The following MAL variants were observed in gnomAD, a reference collection of about 807,000 sequenced individuals.
MAL encodes the protein myelin and lymphocyte protein.
In MAL, 5 loss-of-function variants were observed where a neutral mutation model predicts 16.7. The observed-to-expected ratio is 0.30, with a 90% CI of 0.16 to 0.63. The LOEUF (loss-of-function observed/expected upper bound fraction) is 0.63. MAL is among the 30% of genes least tolerant of loss of function. The pLI is 0.82. For missense variants in MAL, 202 were observed against 195.8 expected (o/e 1.03, Z -0.19); for synonymous variants, 96 against 85.5 (o/e 1.12, Z -0.67).
At chr2:95,027,603 C>T (rs929710961) in intron 1 of MAL, among the ~76,000 whole-genome samples, 3 of 152,248 alleles carry the variant, frequency 2.0e-5, no homozygotes, top group Non-Finnish European at 2.9e-5. Context: ...TCTCAGTTCT[C>T]CTCTGCATGG....
chr2:95,037,526 A>AAGCGAGTGAGTGACTGAGTG (rs1674263055), intron 1 of MAL, among the ~76,000 whole-genome samples: 1 of 35,816 alleles, frequency 2.8e-5, no homozygotes, highest in African/African-American at 1.1e-4. Context: ...GTGAGTGAGC[A>AAGCGAGTGAGTGACTGAGTG]AGCGAGTGAG....
intron 1 of MAL, among the ~76,000 whole-genome samples, chr2:95,028,721 A>C (rs1674009061): frequency 6.6e-6 from 1 of 152,248 alleles, no homozygotes; most frequent in African/African-American, 2.4e-5. Flanking sequence ...ACCTGACCAT[A>C]GAAAGGAATG....
At chr2:95,041,356 T>C (rs1308731554) in intron 1 of MAL, among the ~76,000 whole-genome samples, 1 of 152,202 alleles carries the variant, frequency 6.6e-6, no homozygotes, top group Non-Finnish European at 1.5e-5. Flanking sequence ...CTGGAGACCA[T>C]AGGTTTTCTC....
intron 1 of MAL, among the ~76,000 whole-genome samples, chr2:95,042,153 G>A (rs1160516622): frequency 6.6e-6 from 1 of 152,142 alleles, no homozygotes; most frequent in Non-Finnish European, 1.5e-5. Flanking sequence ...GAAAGGAGAG[G>A]AAACACTAGG....
At chr2:95,053,344 A>G in intron 3 of MAL, 37 bp from the exon 4 acceptor site, 2 of 1,453,688 alleles carry the variant, frequency 1.4e-6, no homozygotes, top group Admixed American at 1.7e-5. Context: ...CGCCCTCCCT[A>G]CACAAACCCA....
At chr2:95,049,457 G>T in intron 2 of MAL, 124 bp from the exon 3 acceptor site, 1 of 1,260,964 alleles carries the variant, frequency 7.9e-7, no homozygotes, top group Non-Finnish European at 1.1e-6. Context: ...TGACAAGGTT[G>T]GGAGGGGTGG....
chr2:95,052,993 G>T, intron 3 of MAL: 1 of 184,928 alleles, frequency 5.4e-6, no homozygotes. Context: ...ACAGCTGGAG[G>T]GCGCTGGTCT....
intron 1 of MAL, among the ~76,000 whole-genome samples, chr2:95,033,001 T>C (rs1386704241): frequency 6.6e-6 from 1 of 152,082 alleles, no homozygotes; most frequent in African/African-American, 2.4e-5. Context: ...GAAGAGAAGG[T>C]GCAGGGTCGC....
Position 95,053,574 on chromosome 2 carries a change from C to T in MAL, c.*119C>T. The T allele has an allele frequency of 1.3e-6, 1 of 742,176 alleles. No homozygotes were observed. Among genetic ancestry groups the T allele is most frequent in the Non-Finnish European group, 2.2e-6 (1 of 446,218 alleles). 46.0% of individuals were successfully genotyped at this position (742,176 alleles called of 1,614,324 possible). A position where few individuals can be genotyped will look rare whatever the true frequency, so the allele number is the denominator to read the frequency against. On this transcript the variant is annotated 3_prime_UTR_variant, in exon 4 of 4. Transcript: ENST00000309988. ...TGGTGGAAAAAAGAAAACAACCACC[C>T]CCCCACTGCCCAAAAAAAAAAGCCC... is the stretch of plus-strand genomic sequence containing the variant.
At chr2:95,027,797 C>T (rs1369830435) in intron 1 of MAL, among the ~76,000 whole-genome samples, 1 of 152,050 alleles carries the variant, frequency 6.6e-6, no homozygotes, top group African/African-American at 2.4e-5. Flanking sequence ...CTGCAGGCTC[C>T]GCCTCCCGGG....
chr2:95,035,847 T>C (rs1037125107), intron 1 of MAL, among the ~76,000 whole-genome samples: 2 of 152,044 alleles, frequency 1.3e-5, no homozygotes, highest in Non-Finnish European at 2.9e-5. Context: ...TTTTTTGTAT[T>C]TTTAGTAGAG....
rs1463972768 is a variant in MAL, at chr2:95,047,960, T to C, written c.95T>C (p.Ile32Thr). 1 of 1,613,118 alleles carries C rather than the reference T, an allele frequency of 6.2e-7. No homozygotes were observed. Among genetic ancestry groups the C allele is most frequent in the Non-Finnish European group, 8.5e-7 (1 of 1,179,592 alleles). ...CTCACCCCTCCTCCTCCCCCGCAGATCTTCGGGGGCCTGGTGTGGATCCTG... is the reference window on the plus strand; with the variant it reads ...CTCACCCCTCCTCCTCCCCCGCAGACCTTCGGGGGCCTGGTGTGGATCCTG... Reference protein sequence around the residue: ...LPDLLFIFEFIFGGLVWILVA... With the variant: ...LPDLLFIFEFTFGGLVWILVA... The change falls in exon 2 of 4, where the codon ATC (isoleucine) becomes ACC (threonine). Residue 32 changes from isoleucine (I) to threonine (T), a missense_variant and splice_region_variant. By Grantham distance (89) the Ile-to-Thr change is moderately conservative (BLOSUM62 -1). Coordinates refer to ENST00000309988, the MANE Select transcript of MAL (RefSeq NM_002371.4).
At chr2:95,037,384 TTGACTGAGTGAGTGAG>T (rs1260945820) in intron 1 of MAL, among the ~76,000 whole-genome samples, 15 of 44,836 alleles carry the variant, frequency 3.3e-4, no homozygotes, top group African/African-American at 1.4e-3. Context: ...GACTGAGTGA[TTGACTGAGTGAGTGAG>T]TGACTGAGTG....
chr2:95,037,500 G>GTGAC (rs1406121763), intron 1 of MAL, among the ~76,000 whole-genome samples: 1 of 151,464 alleles, frequency 6.6e-6, no homozygotes, highest in Non-Finnish European at 1.5e-5. Context: ...GAGTGACTGA[G>GTGAC]TGACTGAGTG....
chr2:95,037,784 G>GTGAT, intron 1 of MAL, among the ~76,000 whole-genome samples: 1 of 151,840 alleles, frequency 6.6e-6, no homozygotes, highest in East Asian at 1.9e-4. Flanking sequence ...GAGTGACTGA[G>GTGAT]TGACTGTGTG....
chr2:95,037,044 AGTGAGTGACTGAGTGG>A (rs1292445707), intron 1 of MAL, among the ~76,000 whole-genome samples: 7 of 150,656 alleles, frequency 4.6e-5, no homozygotes, highest in African/African-American at 9.8e-5. Context: ...TGAGTGGGTG[AGTGAGTGACTGAGTGG>A]GTGAGTGACT....
At chr2:95,041,047 T>C (rs1391915563) in intron 1 of MAL, among the ~76,000 whole-genome samples, 1 of 152,128 alleles carries the variant, frequency 6.6e-6, no homozygotes, top group Non-Finnish European at 1.5e-5. Flanking sequence ...AGAATTTCCG[T>C]TTGTGGAGGC....
intron 1 of MAL, among the ~76,000 whole-genome samples, chr2:95,040,892 A>G (rs1482276217): frequency 6.6e-6 from 1 of 152,160 alleles, no homozygotes; most frequent in Non-Finnish European, 1.5e-5. Context: ...ACTGTTGTTC[A>G]CATATGCCTT....
intron 1 of MAL, among the ~76,000 whole-genome samples, chr2:95,027,389 G>GAAAC (rs1234747768): frequency 2.0e-5 from 3 of 152,158 alleles, no homozygotes; most frequent in African/African-American, 7.2e-5. Flanking sequence ...GCTTCCAGAA[G>GAAAC]AAACAACTCC....
Sources: gnomAD v4.1 joint callset for allele counts (sites outside exome capture counted in the v4.1 genomes callset) on GRCh38, gnomAD v4.1.1 for gene constraint, MANE v1.5 for transcripts, NCBI Gene and HGNC (gene_info 2026-07-23, HGNC 2026-07-21) for gene names.